The following MCC variants were observed in gnomAD, a reference collection of about 807,000 sequenced individuals.
MCC encodes the protein colorectal mutant cancer protein.
In MCC, 90 loss-of-function variants were observed where a neutral mutation model predicts 116.2. The observed-to-expected ratio is 0.77, with a 90% confidence interval of 0.65 to 0.92. The LOEUF (loss-of-function observed/expected upper bound fraction) is 0.92, where lower values mean the gene tolerates loss of function less well. MCC is among the 40% of genes least tolerant of loss of function. The probability of loss-of-function intolerance (pLI) is 0.00; values close to 1 mark genes in which losing one functional copy is unlikely to be tolerated. For missense variants in MCC, 1,516 were observed against 1,312.2 expected, an observed-to-expected ratio of 1.16 and a Z score of -2.40; for synonymous variants, 578 against 510.5, an observed-to-expected ratio of 1.13 and a Z score of -1.78.
At chr5:113,220,484 A>G (rs1006135167) in intron 3 of MCC, among the ~76,000 whole-genome samples, 13 of 152,124 alleles carry the variant, frequency 8.5e-5, no homozygotes, top group African/African-American at 3.1e-4. Context: ...TGCTCCATTT[A>G]TTTAGATCAT....
chr5:113,069,669 C>T (rs1445349875), intron 12 of MCC, among the ~76,000 whole-genome samples: 8 of 152,272 alleles, frequency 5.3e-5, no homozygotes, highest in African/African-American at 1.7e-4. Context: ...CCCAGGTTCA[C>T]GCCATTATCC....
At chr5:113,179,358 T>G (rs1404110025) in intron 3 of MCC, among the ~76,000 whole-genome samples, 1 of 152,212 alleles carries the variant, frequency 6.6e-6, no homozygotes, top group Non-Finnish European at 1.5e-5. Flanking sequence ...AGGGAACATT[T>G]GTCTTCTCAA....
At chr5:113,286,457 T>C (rs1365672527) in intron 3 of MCC, among the ~76,000 whole-genome samples, 1 of 152,234 alleles carries the variant, frequency 6.6e-6, no homozygotes, top group African/African-American at 2.4e-5. Flanking sequence ...TGAGGTTTCA[T>C]GAAACTTTCT....
chr5:113,456,623 A>ATTTTT (rs34111159), intron 1 of MCC, among the ~76,000 whole-genome samples: 750 of 51,056 alleles, frequency 0.015, 143 homozygotes, highest in African/African-American at 0.042. Flanking sequence ...TGCCCAGCTA[A>ATTTTT]TTTTTTTTTT....
chr5:113,024,320 A>ATCAT lies in MCC; in HGVS notation c.*2978_*2981dup, dbSNP rs1387179840. 2.6e-5 allele frequency: 4 copies of ATCAT among 152,266 alleles called. No individual in the cohort carries two copies. The highest frequency in any genetic ancestry group is 9.6e-5 in the African/African-American group (4 of 41,476). The allele number at this position is 152,266 out of a possible 1,614,324, so 9.4% of individuals were successfully genotyped here. A position where few individuals can be genotyped will look rare whatever the true frequency, so the allele number is the denominator to read the frequency against. ...ATGAGGATGAAAGTTTCAATAAGGA[A>ATCAT]TCATACTGTTCCCCAGTCCATGACA... On this transcript the variant is annotated 3_prime_UTR_variant, in exon 19 of 19. Transcript: ENST00000408903.
At chr5:113,134,592 CATT>C (rs1210738123) in intron 5 of MCC, among the ~76,000 whole-genome samples, 2 of 36,458 alleles carry the variant, frequency 5.5e-5, no homozygotes, top group Non-Finnish European at 1.1e-4. Context: ...GTTCTATAAA[CATT>C]GTAGGATTTT....
At chr5:113,307,473 T>C (rs558694432) in intron 3 of MCC, among the ~76,000 whole-genome samples, 11 of 152,354 alleles carry the variant, frequency 7.2e-5, no homozygotes, top group East Asian at 1.9e-4. Context: ...AGAATTGCAA[T>C]TGATTTTTGC....
chr5:113,174,163 G>A (rs747582456), intron 3 of MCC, among the ~76,000 whole-genome samples: 10 of 152,160 alleles, frequency 6.6e-5, no homozygotes, highest in Non-Finnish European at 1.3e-4. Context: ...AGAGATTTAG[G>A]ACATTGAGAT....
rs990293688 is a variant in MCC at position 113,191,520 on chromosome 5, G to A, written c.628-40098C>T. On this transcript the variant is annotated intron_variant, in intron 3 of 18. Coordinates refer to ENST00000408903, the MANE Select transcript of MCC (RefSeq NM_001085377.2). ...GCCATGTTCCTTTAGACAGGTGGAA[G>A]CCCTCAGCTGAGCAAAGGGGAGAAA... 3.3e-5 allele frequency among the ~76,000 whole-genome samples: 5 copies of A among 152,170 alleles called. No homozygotes were observed. In the South Asian group the frequency reaches 1.0e-3, roughly 32 times the overall value.
At chr5:113,067,241 C>A (rs866704691) in intron 13 of MCC, among the ~76,000 whole-genome samples, 2 of 152,264 alleles carry the variant, frequency 1.3e-5, no homozygotes, top group South Asian at 4.1e-4. Flanking sequence ...AGGACAGGCA[C>A]AGGAAAGCGA....
At chr5:113,477,711 G>A (rs774025748) in intron 1 of MCC, among the ~76,000 whole-genome samples, 8 of 152,162 alleles carry the variant, frequency 5.3e-5, no homozygotes, top group Non-Finnish European at 1.2e-4. Flanking sequence ...CTCCAGAGAT[G>A]TGAAGAGTAG....
intron 14 of MCC, among the ~76,000 whole-genome samples, chr5:113,062,152 T>C (rs1432213810): frequency 6.6e-6 from 1 of 152,228 alleles, no homozygotes; most frequent in African/African-American, 2.4e-5. Flanking sequence ...TGTACTTTGA[T>C]GGGAAGATCC....
intron 1 of MCC, among the ~76,000 whole-genome samples, chr5:113,406,796 C>A (rs1170563872): frequency 6.6e-6 from 1 of 152,170 alleles, no homozygotes; most frequent in Non-Finnish European, 1.5e-5. Flanking sequence ...ATCCTACCAG[C>A]AGGTTCAACC....
intron 3 of MCC, among the ~76,000 whole-genome samples, chr5:113,298,721 A>C (rs897047703): frequency 2.0e-5 from 3 of 152,316 alleles, no homozygotes; most frequent in African/African-American, 7.2e-5. Flanking sequence ...TCTTCCTAGG[A>C]GAACAGAAAC....
At chr5:113,359,947 T>C (rs1768505548) in intron 2 of MCC, among the ~76,000 whole-genome samples, 1 of 152,228 alleles carries the variant, frequency 6.6e-6, no homozygotes, top group South Asian at 2.1e-4. Context: ...GATCAATTTA[T>C]CTTTCTCTTA....
At chr5:113,080,252 T>C (rs899608780) in intron 11 of MCC, among the ~76,000 whole-genome samples, 10 of 152,248 alleles carry the variant, frequency 6.6e-5, no homozygotes, top group African/African-American at 2.4e-4. Flanking sequence ...TGGTGATTCC[T>C]CAAGGATCTA....
Position 113,023,989 on chromosome 5 carries a change from C to G in MCC, c.*3313G>C, listed in dbSNP as rs947970175. 1 of 152,070 alleles carries G rather than the reference C, an allele frequency of 6.6e-6. No individual in the cohort carries two copies. Among genetic ancestry groups the G allele is most frequent in the Non-Finnish European group, 1.5e-5 (1 of 68,022 alleles). 9.4% of individuals were successfully genotyped at this position (152,070 alleles called of 1,614,324 possible). A position where few individuals can be genotyped will look rare whatever the true frequency, so the allele number is the denominator to read the frequency against. On this transcript the variant is annotated 3_prime_UTR_variant, in exon 19 of 19. Coordinates refer to ENST00000408903, the MANE Select transcript of MCC (RefSeq NM_001085377.2). ...TCATTTAAAATAATCTAATCTGTATCCAGTTAGGAACCAGAAGACTTTCAG... is the reference window on the plus strand; with the variant it reads ...TCATTTAAAATAATCTAATCTGTATGCAGTTAGGAACCAGAAGACTTTCAG...
At chr5:113,039,432 G>A (rs1238457546) in intron 17 of MCC, among the ~76,000 whole-genome samples, 4 of 152,100 alleles carry the variant, frequency 2.6e-5, no homozygotes, top group Non-Finnish European at 4.4e-5. Flanking sequence ...AAGGAAGTCC[G>A]CCTCCCGCCA....
intron 3 of MCC, among the ~76,000 whole-genome samples, chr5:113,258,706 G>C (rs1216237578): frequency 1.3e-5 from 2 of 152,338 alleles, no homozygotes; most frequent in African/African-American, 4.8e-5. Flanking sequence ...TGAGGTGAGG[G>C]TGGAAATGAT....
Sources: gnomAD v4.1 joint callset for allele counts (sites outside exome capture counted in the v4.1 genomes callset) on GRCh38, gnomAD v4.1.1 for gene constraint, MANE v1.5 for transcripts, NCBI Gene and HGNC (gene_info 2026-07-23, HGNC 2026-07-21) for gene names.